MPDZ: variants seen among roughly 807,000 people sequenced by gnomAD.
MPDZ encodes multiple PDZ domain protein.
In MPDZ, 234 loss-of-function variants were observed where a neutral mutation model predicts 239.1. The observed-to-expected ratio is 0.98, with a 90% CI of 0.88 to 1.09. The LOEUF (loss-of-function observed/expected upper bound fraction) is 1.09, where lower values mean the gene tolerates loss of function less well. Ranked by LOEUF, MPDZ falls within the 50% of genes least tolerant of loss-of-function variation. The pLI, the probability that MPDZ is intolerant of heterozygous loss-of-function variation, is 0.00. For synonymous variants in MPDZ, 1,048 were observed against 881.3 expected (o/e 1.19, Z -3.35); for missense variants, 3,175 against 2,510.0 (o/e 1.26, Z -5.66).
intron 12 of MPDZ, among the ~76,000 whole-genome samples, chr9:13,201,122 C>T (rs778373135): frequency 9.2e-5 from 14 of 151,924 alleles, no homozygotes; most frequent in Non-Finnish European, 1.6e-4. Flanking sequence ...ATTGTTATAA[C>T]TGCTTGCTGT....
intron 28 of MPDZ, among the ~76,000 whole-genome samples, chr9:13,139,085 A>C (rs2132412769): frequency 6.6e-6 from 1 of 152,296 alleles, no homozygotes; most frequent in East Asian, 1.9e-4. Flanking sequence ...TACAAACTTT[A>C]CCAGTCATCT....
chr9:13,175,607 G>T, intron 21 of MPDZ, 145 bp downstream of exon 21: 1 of 795,418 alleles, frequency 1.3e-6, no homozygotes, highest in Non-Finnish European at 2.0e-6. Flanking sequence ...AAAAAATAAT[G>T]AGGACATAGA....
chr9:13,240,001 A>C (rs1964990719), intron 3 of MPDZ, among the ~76,000 whole-genome samples: 1 of 152,136 alleles, frequency 6.6e-6, no homozygotes. Context: ...ATTCTTATCA[A>C]GGTATGCTGA....
intron 34 of MPDZ, 94 bp downstream of exon 34, chr9:13,126,422 C>T (rs1945123086): frequency 1.3e-6 from 1 of 782,296 alleles, no homozygotes; most frequent in Admixed American, 2.6e-5. Flanking sequence ...AATACAGCTA[C>T]ATAACCCTAA....
chr9:13,222,758 C>G (rs1959198306), intron 5 of MPDZ, among the ~76,000 whole-genome samples: 1 of 152,064 alleles, frequency 6.6e-6, no homozygotes, highest in Non-Finnish European at 1.5e-5. Context: ...TATATCTATA[C>G]AGTTGGCCTT....
chr9:13,214,815 T>C (rs562717591), intron 10 of MPDZ, among the ~76,000 whole-genome samples: 7 of 152,026 alleles, frequency 4.6e-5, no homozygotes, highest in East Asian at 3.9e-4. Context: ...TTCGGGCATA[T>C]AGCCAGATGA....
intron 1 of MPDZ, among the ~76,000 whole-genome samples, chr9:13,259,511 A>G (rs1970190779): frequency 6.6e-6 from 1 of 152,184 alleles, no homozygotes; most frequent in Non-Finnish European, 1.5e-5. Context: ...GTACAAGTGA[A>G]TGAAAGGAAA....
intron 32 of MPDZ, among the ~76,000 whole-genome samples, chr9:13,131,400 T>C (rs747097404): frequency 2.6e-5 from 4 of 152,274 alleles, no homozygotes; most frequent in Middle Eastern, 3.4e-3. Flanking sequence ...ATCCTTCCAA[T>C]AGTATCTCTA....
Position 13,137,366 on chromosome 9 carries a change from A to G in MPDZ, c.4201-563T>C, listed in dbSNP as rs1009818596. ...CTGCCTGACTGAGCCTCCTGTGTCTATAGGGAAACATACTCAGCATGAGAA... is the reference window on the plus strand; with the variant it reads ...CTGCCTGACTGAGCCTCCTGTGTCTGTAGGGAAACATACTCAGCATGAGAA... On this transcript the variant is annotated intron_variant, in intron 29 of 46. Coordinates refer to ENST00000319217, the MANE Select transcript of MPDZ (RefSeq NM_001378778.1). Among the ~76,000 whole-genome samples, 22 of 152,170 alleles carry G rather than the reference A, an allele frequency of 1.4e-4. 3 individuals are homozygous for G. The highest frequency in any genetic ancestry group is 1.2e-3 in the Admixed American group (19 of 15,274).
At chr9:13,123,385 G>A in intron 35 of MPDZ, 87 bp from the exon 36 acceptor site, 2 of 1,177,334 alleles carry the variant, frequency 1.7e-6, no homozygotes, top group South Asian at 2.8e-5. Flanking sequence ...GACTCTGAGG[G>A]ATGGGGCAGA....
chr9:13,210,722 A>G (rs1162101622), intron 10 of MPDZ, among the ~76,000 whole-genome samples: 2 of 152,132 alleles, frequency 1.3e-5, no homozygotes, highest in Non-Finnish European at 2.9e-5. Context: ...GATGGGACTC[A>G]AAAGAGACAA....
intron 27 of MPDZ, among the ~76,000 whole-genome samples, chr9:13,141,877 G>C (rs1048280219): frequency 1.3e-5 from 2 of 152,098 alleles, no homozygotes; most frequent in African/African-American, 2.4e-5. Flanking sequence ...TGGACAAACA[G>C]ATAAAAGTTA....
intron 5 of MPDZ, 91 bp downstream of exon 5, chr9:13,223,480 C>T: frequency 7.2e-7 from 1 of 1,388,128 alleles, no homozygotes; most frequent in Non-Finnish European, 9.5e-7. Context: ...TTTTTGTTGC[C>T]ATTCATTATT....
At chr9:13,195,235 C>T (rs1373724590) in intron 13 of MPDZ, among the ~76,000 whole-genome samples, 1 of 152,088 alleles carries the variant, frequency 6.6e-6, no homozygotes, top group Non-Finnish European at 1.5e-5. Context: ...CTGCAGTGAG[C>T]CATGACTGCA....
At chr9:13,257,069 A>G (rs1969618066) in intron 1 of MPDZ, among the ~76,000 whole-genome samples, 1 of 152,138 alleles carries the variant, frequency 6.6e-6, no homozygotes, top group African/African-American at 2.4e-5. Context: ...CAGAAAAAAT[A>G]CCAGTTTCCC....
At chr9:13,219,872 AC>A in intron 7 of MPDZ, 104 bp from the exon 8 acceptor site, 1 of 1,051,224 alleles carries the variant, frequency 9.5e-7, no homozygotes, top group Non-Finnish European at 1.4e-6. Context: ...AATATGAGTT[AC>A]CAATCAGGAC....
chr9:13,253,465 A>C (rs917882589), intron 1 of MPDZ, among the ~76,000 whole-genome samples: 1 of 152,186 alleles, frequency 6.6e-6, no homozygotes, highest in African/African-American at 2.4e-5. Context: ...TCTAATTATA[A>C]ACAAACTCAT....
At chr9:13,221,176 T>C (rs1959053219) in intron 7 of MPDZ, among the ~76,000 whole-genome samples, 196 bp downstream of exon 7, 1 of 152,028 alleles carries the variant, frequency 6.6e-6, no homozygotes, top group African/African-American at 2.4e-5. Flanking sequence ...AACTTAAGAT[T>C]ACTGTCCCTT....
intron 12 of MPDZ, among the ~76,000 whole-genome samples, chr9:13,198,737 C>CTGTGTGTGTGTGTGTGTGTGTGTGTG (rs1554691393): frequency 1.1e-4 from 8 of 69,770 alleles, no homozygotes; most frequent in South Asian, 4.8e-4. Flanking sequence ...ATCTCTCTCT[C>CTGTGTGTGTGTGTGTGTGTGTGTGTG]TGTGTGTGTG....
Sources: gnomAD v4.1 joint callset for allele counts (sites outside exome capture counted in the v4.1 genomes callset) on GRCh38, gnomAD v4.1.1 for gene constraint, MANE v1.5 for transcripts, NCBI Gene and HGNC (gene_info 2026-07-23, HGNC 2026-07-21) for gene names.